Variants in ANKRD27 observed in about 807,000 individuals in gnomAD.
ANKRD27 encodes ankyrin repeat domain 27, also known as ankyrin repeat domain-containing protein 27.
In ANKRD27, 112 loss-of-function variants were observed where a neutral mutation model predicts 129.7. The ratio of observed to expected loss-of-function variants is 0.86; its 90% CI spans 0.74 to 1.01. The LOEUF (loss-of-function observed/expected upper bound fraction) is 1.01. Ranked by LOEUF, ANKRD27 falls within the 50% of genes least tolerant of loss-of-function variation. The pLI is 0.00. For synonymous variants in ANKRD27, 516 were observed against 511.2 expected (o/e 1.01, Z -0.13); for missense variants, 1,258 against 1,300.5 (o/e 0.97, Z 0.50).
chr19:32,604,557 A>G (rs8109768), intron 24 of ANKRD27, 133 bp from the exon 25 acceptor site: 135,774 of 935,106 alleles, frequency 0.15, 12,490 homozygotes, highest in East Asian at 0.33. Context: ...AAATTTGGGG[A>G]GGAAAAGTAA....
intron 1 of ANKRD27, among the ~76,000 whole-genome samples, chr19:32,666,944 G>A (rs964467014): frequency 1.1e-4 from 16 of 152,144 alleles, no homozygotes; most frequent in Non-Finnish European, 2.9e-5. Context: ...ACCATGCCCA[G>A]CCAGGAGATC....
At position 32,642,032 on chromosome 19, in the gene ANKRD27, C is replaced by A; in HGVS notation, c.896G>T (p.Ser299Ile). The A allele has an allele frequency of 6.3e-7, 1 of 1,598,988 alleles. No homozygotes were observed. Among genetic ancestry groups the A allele is most frequent in the South Asian group, 1.1e-5 (1 of 89,678 alleles). Reference protein sequence around the residue: ...KVVQLITQSPSQRVNLETMCA... With the variant: ...KVVQLITQSPIQRVNLETMCA... Reference sequence around the variant, plus strand: ...CCTTTCCAAGCACAAACCTCTCTGGCTTGGAGACTGTGTAATGAGCTGCAC... The same window carrying A: ...CCTTTCCAAGCACAAACCTCTCTGGATTGGAGACTGTGTAATGAGCTGCAC... Residue 299 changes from serine (S) to isoleucine (I), a missense_variant, in exon 10 of 29, where the codon AGC (serine) becomes ATC (isoleucine). By Grantham distance (142) the Ser-to-Ile change is moderately radical. Transcript: ENST00000306065.
At chr19:32,647,586 T>C (rs1386326789) in intron 3 of ANKRD27, among the ~76,000 whole-genome samples, 2 of 152,210 alleles carry the variant, frequency 1.3e-5, no homozygotes, top group African/African-American at 4.8e-5. Flanking sequence ...CTGAGGTTTG[T>C]GGCGCTGTGA....
chr19:32,657,814 A>T (rs1291958385), intron 2 of ANKRD27, among the ~76,000 whole-genome samples: 1 of 151,726 alleles, frequency 6.6e-6, no homozygotes, highest in East Asian at 1.9e-4. Context: ...ATCTCTAGTA[A>T]AAACACAAAA....
In ANKRD27 at chr19:32,639,421, A is replaced by C. The variant is rs770048439; in HGVS notation, c.1051T>G (p.Cys351Gly). The C allele has an allele frequency of 6.2e-7, 1 of 1,614,122 alleles. No homozygotes were observed. The highest frequency in any genetic ancestry group is 1.3e-5 in the African/African-American group (1 of 74,944). Residue 351 changes from cysteine (C) to glycine (G), a missense_variant, in exon 12 of 29, where the codon TGC (cysteine) becomes GGC (glycine). Transcript: ENST00000306065. Reference protein sequence around the residue: ...SSLAKDELGYCLTSFEAAIEY... With the variant: ...SSLAKDELGYGLTSFEAAIEY... Reference sequence around the variant, plus strand: ...ATGGCAGCTTCGAATGAGGTCAGGCAGTATCCCAGTTCATCCTTTGCCAAG... The same window carrying C: ...ATGGCAGCTTCGAATGAGGTCAGGCCGTATCCCAGTTCATCCTTTGCCAAG...
chr19:32,648,964 G>GTT (rs1289435071), intron 3 of ANKRD27, among the ~76,000 whole-genome samples: 2 of 118,500 alleles, frequency 1.7e-5, no homozygotes, highest in African/African-American at 3.4e-5. Flanking sequence ...TGTTTTTTGG[G>GTT]TTTGTTTTTT....
chr19:32,644,953 A>G (rs1053838112), intron 4 of ANKRD27, among the ~76,000 whole-genome samples: 1 of 152,106 alleles, frequency 6.6e-6, no homozygotes, highest in Non-Finnish European at 1.5e-5. Context: ...GTCTATGCGA[A>G]TGCTGCCTCC....
Position 32,643,354 on chromosome 19 carries a change from T to C in ANKRD27, c.640-2A>G. 1 of 1,613,968 alleles carries C rather than the reference T, an allele frequency of 6.2e-7. No individual in the cohort carries two copies. The highest frequency in any genetic ancestry group is 2.2e-5 in the East Asian group (1 of 44,874). On this transcript the variant is annotated splice_acceptor_variant, in intron 7 of 28. Transcript: ENST00000306065. LOFTEE classifies it high-confidence loss of function. ...GTAAATTTCATGATGGACGTATATC[T>C]GTGGAATCAACAGACCCCATTCAGG...
At chr19:32,666,097 C>T (rs259270) in intron 1 of ANKRD27, among the ~76,000 whole-genome samples, 105,854 of 152,138 alleles carry the variant, frequency 0.7, 36,973 homozygotes, top group Non-Finnish European at 0.71. Context: ...CATCCACATA[C>T]ATGGTATATC....
At chr19:32,618,373 G>C in intron 20 of ANKRD27, among the ~76,000 whole-genome samples, 1 of 123,760 alleles carries the variant, frequency 8.1e-6, no homozygotes, top group East Asian at 2.1e-4. Context: ...CAATCCCCAG[G>C]AGTTTGAGGT....
chr19:32,618,060 T>C (rs1335225838), intron 20 of ANKRD27, among the ~76,000 whole-genome samples: 3 of 152,002 alleles, frequency 2.0e-5, no homozygotes, highest in Admixed American at 6.6e-5. Flanking sequence ...GCCCGGCTGA[T>C]TTAGTATCCT....
chr19:32,649,658 G>A, intron 3 of ANKRD27, 24 bp downstream of exon 3: 2 of 1,518,792 alleles, frequency 1.3e-6, no homozygotes, highest in Non-Finnish European at 1.8e-6. Flanking sequence ...GGTGACCCTG[G>A]CTGATCCACC....
At chr19:32,605,113 C>T (rs1009200354) in intron 24 of ANKRD27, among the ~76,000 whole-genome samples, 5 of 151,812 alleles carry the variant, frequency 3.3e-5, no homozygotes, top group African/African-American at 7.3e-5. Flanking sequence ...GGCTTACACC[C>T]GTAATCCAGC....
chr19:32,614,977 T>C (rs1329162825), intron 22 of ANKRD27, among the ~76,000 whole-genome samples: 6 of 151,584 alleles, frequency 4.0e-5, no homozygotes, highest in African/African-American at 1.5e-4. Context: ...GGAGGGAGAG[T>C]CCCCATGAAG....
chr19:32,604,997 C>T (rs1014173933), intron 24 of ANKRD27, among the ~76,000 whole-genome samples: 2 of 151,918 alleles, frequency 1.3e-5, no homozygotes, highest in Non-Finnish European at 2.9e-5. Flanking sequence ...GCTTGAACCC[C>T]GGAGGCAGAG....
At chr19:32,655,146 T>C (rs1344673969) in intron 2 of ANKRD27, 2 of 152,322 alleles carry the variant, frequency 1.3e-5, no homozygotes, top group Non-Finnish European at 2.9e-5. Flanking sequence ...TTGGGCAACA[T>C]GGTGGTCCCC....
intron 3 of ANKRD27, among the ~76,000 whole-genome samples, chr19:32,649,226 GC>G (rs1308177747): frequency 6.6e-6 from 1 of 151,990 alleles, no homozygotes; most frequent in Non-Finnish European, 1.5e-5. Flanking sequence ...TCCTGCCTCG[GC>G]CCCCCAAAGT....
chr19:32,599,036 C>G (rs538145759), intron 28 of ANKRD27, among the ~76,000 whole-genome samples: 2 of 152,250 alleles, frequency 1.3e-5, no homozygotes, highest in South Asian at 4.1e-4. Flanking sequence ...TCCCAGCACA[C>G]TGGGAGGCCA....
intron 28 of ANKRD27, 84 bp from the exon 29 acceptor site, chr19:32,598,462 G>A (rs1475221460): frequency 7.8e-7 from 1 of 1,279,962 alleles, no homozygotes; most frequent in Non-Finnish European, 1.1e-6. Flanking sequence ...GCCCCTTAGT[G>A]CCTAGTGTCA....
Sources: gnomAD v4.1 joint callset for allele counts (sites outside exome capture counted in the v4.1 genomes callset) on GRCh38, gnomAD v4.1.1 for gene constraint, MANE v1.5 for transcripts, NCBI Gene and HGNC (gene_info 2026-07-23, HGNC 2026-07-21) for gene names.